The following FSD2 variants were observed in gnomAD, a reference collection of about 807,000 sequenced individuals.
FSD2 encodes fibronectin type III and SPRY domain containing 2.
Under a neutral mutation model 80.4 loss-of-function variants are expected in FSD2, and 71 were observed. The observed-to-expected ratio is 0.88, with a 90% CI of 0.73 to 1.08. FSD2 has a LOEUF of 1.08. Among genes scored for constraint, FSD2 ranks in the 50% least tolerant of loss-of-function variants. The pLI is 0.00. For missense variants in FSD2, 923 were observed against 913.8 expected (o/e 1.01, Z -0.13); for synonymous variants, 361 against 329.5 (o/e 1.10, Z -1.03).
chr15:82,798,031 C>G (rs569044551), intron 1 of FSD2, among the ~76,000 whole-genome samples: 18 of 152,122 alleles, frequency 1.2e-4, no homozygotes, highest in African/African-American at 4.3e-4. Flanking sequence ...CAACAAAAGA[C>G]TTTCCAAGCA....
At chr15:82,766,756 G>C (rs982631689) in intron 9 of FSD2, among the ~76,000 whole-genome samples, 1 of 142,876 alleles carries the variant, frequency 7.0e-6, no homozygotes, top group African/African-American at 2.5e-5. Flanking sequence ...AAAAAAAAAA[G>C]GTCCTTGATT....
At chr15:82,772,667 C>CTGG in intron 6 of FSD2, among the ~76,000 whole-genome samples, 5 of 152,192 alleles carry the variant, frequency 3.3e-5, no homozygotes, top group African/African-American at 1.2e-4. Context: ...ACATCTCCCA[C>CTGG]ATTAATGAGA....
chr15:82,794,870 G>A lies in FSD2; in HGVS notation c.-78-7402C>T, dbSNP rs749295565. Among the ~76,000 whole-genome samples the A allele has an allele frequency of 4.6e-5, 7 of 151,952 alleles. No homozygotes were observed. In the South Asian group the frequency reaches 6.3e-4, roughly 14 times the overall value. On this transcript the variant is annotated intron_variant, in intron 1 of 12. Transcript: ENST00000334574. ...CTCCCGAGTAGCTGGGACTACAGGC[G>A]CCCGCCACCACGCCTGGCTAATTTT...
chr15:82,796,000 C>CTTTTTTTTTT (rs143711664), intron 1 of FSD2, among the ~76,000 whole-genome samples: 3 of 117,494 alleles, frequency 2.6e-5, no homozygotes, highest in South Asian at 2.8e-4. Context: ...TTTTTCTTTT[C>CTTTTTTTTTT]TTTTTTTTTT....
chr15:82,772,079 G>T lies in FSD2; in HGVS notation c.1261C>A (p.Gln421Lys). 6.4e-7 allele frequency: 1 copy of T among 1,565,664 alleles called. No individual in the cohort carries two copies. The highest frequency in any genetic ancestry group is 2.2e-5 in the East Asian group (1 of 44,488). Reference sequence around the variant, plus strand: ...GTTCCTGGCAGAGCCTCACCTGCTTGGTCCGTCCCAGGTGAGCTGTCCTGC... The same window carrying T: ...GTTCCTGGCAGAGCCTCACCTGCTTTGTCCGTCCCAGGTGAGCTGTCCTGC... ...PVQDSSPGTD[Q>K]AEFTVTVKET... The change falls in exon 7 of 13, where the codon CAA becomes AAA. Residue 421 changes from glutamine (Q) to lysine (K), a missense_variant. Coordinates refer to ENST00000334574, the MANE Select transcript of FSD2 (RefSeq NM_001007122.4).
At position 82,758,399 on chromosome 15, in the gene FSD2, T is replaced by A. The variant is rs979924535; in HGVS notation, c.*949A>T. The stretch of plus-strand genomic sequence containing the variant: ...TGAGGCAGGATGCCTGAAAGCTGCC[T>A]AGCTAGAGATCAGTCTTCCTTCCCG... On this transcript the variant is annotated 3_prime_UTR_variant, in exon 13 of 13. Transcript: ENST00000334574. 6.6e-6 allele frequency: 1 copy of A among 152,638 alleles called. No individual in the cohort carries two copies. The highest frequency in any genetic ancestry group is 2.4e-5 in the African/African-American group (1 of 41,464). The allele number at this position is 152,638 out of a possible 1,614,324, so 9.5% of individuals were successfully genotyped here.
chr15:82,795,727 G>A (rs2050249000), intron 1 of FSD2, among the ~76,000 whole-genome samples: 1 of 152,062 alleles, frequency 6.6e-6, no homozygotes, highest in South Asian at 2.1e-4. Flanking sequence ...AGCTACTCAG[G>A]AGGCTGAGGT....
At chr15:82,792,895 G>GT (rs1387375738) in intron 1 of FSD2, among the ~76,000 whole-genome samples, 1 of 152,062 alleles carries the variant, frequency 6.6e-6, no homozygotes, top group Non-Finnish European at 1.5e-5. Flanking sequence ...TAGTTTTGGG[G>GT]TTTTTTTCTT....
intron 6 of FSD2, among the ~76,000 whole-genome samples, chr15:82,773,501 T>C (rs2049637743): frequency 6.6e-6 from 1 of 152,164 alleles, no homozygotes; most frequent in African/African-American, 2.4e-5. Context: ...AGGAAGGTGA[T>C]GATTTATGTG....
At chr15:82,772,304 A>G in intron 6 of FSD2, 76 bp from the exon 7 acceptor site, 1 of 1,419,010 alleles carries the variant, frequency 7.0e-7, no homozygotes, top group Non-Finnish European at 9.6e-7. Flanking sequence ...TCCCATGACC[A>G]TTGATCCCCC....
In FSD2 at chr15:82,757,993, C is replaced by T. The variant is rs1427916849; in HGVS notation, c.*1355G>A. 1.3e-5 allele frequency: 2 copies of T among 152,062 alleles called. No homozygotes were observed. The highest frequency in any genetic ancestry group is 2.4e-5 in the African/African-American group (1 of 41,388). The allele number at this position is 152,062 out of a possible 1,614,324, so 9.4% of individuals were successfully genotyped here. On this transcript the variant is annotated 3_prime_UTR_variant, in exon 13 of 13. Coordinates refer to ENST00000334574, the MANE Select transcript of FSD2 (RefSeq NM_001007122.4). ...TGGCACAATCTCGGCTCACTGCAGCCTCTGCCCCCGGGTTCAAGCAATTCT... is the reference window on the plus strand; with the variant it reads ...TGGCACAATCTCGGCTCACTGCAGCTTCTGCCCCCGGGTTCAAGCAATTCT...
chr15:82,803,892 A>G (rs1356128673), intron 1 of FSD2, among the ~76,000 whole-genome samples: 1 of 152,100 alleles, frequency 6.6e-6, no homozygotes, highest in East Asian at 1.9e-4. Flanking sequence ...CAGGAAAATC[A>G]TCTCTCTAGG....
At chr15:82,763,087 G>A (rs1045007007) in intron 11 of FSD2, among the ~76,000 whole-genome samples, 3 of 152,090 alleles carry the variant, frequency 2.0e-5, no homozygotes, top group African/African-American at 7.2e-5. Flanking sequence ...CTTCTACCTC[G>A]GTTACCTCAC....
At chr15:82,792,591 TC>T (rs1257357386) in intron 1 of FSD2, among the ~76,000 whole-genome samples, 2 of 152,238 alleles carry the variant, frequency 1.3e-5, no homozygotes, top group East Asian at 1.9e-4. Context: ...CTTGATGATG[TC>T]CCCTGAAGCA....
At chr15:82,796,803 A>G (rs1194436046) in intron 1 of FSD2, among the ~76,000 whole-genome samples, 1 of 152,118 alleles carries the variant, frequency 6.6e-6, no homozygotes, top group Admixed American at 6.6e-5. Context: ...CAAGGGGTAC[A>G]TGGTATAGAT....
Position 82,787,211 on chromosome 15 carries a change from A to G in FSD2, c.180T>C (p.Asp60=). 1 of 1,613,910 alleles carries G rather than the reference A, an allele frequency of 6.2e-7. No homozygotes were observed. Among genetic ancestry groups the G allele is most frequent in the Non-Finnish European group, 8.5e-7 (1 of 1,179,862 alleles). ...CTTGAAGGTCTCTTTGAGCCTTACC[A>G]TCCCCTGCTCCTCTTGACTCATTGG... is the stretch of plus-strand genomic sequence containing the variant. ...EMANESRGAG[D]GKAQRDLQEE... Residue 60 remains aspartate, a synonymous_variant, in exon 2 of 13, where the codon GAT becomes GAC. Transcript: ENST00000334574.
In FSD2 at chr15:82,779,337, G is replaced by A. The variant is rs115953347; in HGVS notation, c.990-450C>T. On this transcript the variant is annotated intron_variant, in intron 5 of 12. Transcript: ENST00000334574. ...CGGGGTCTCCTTGTATCTGCTTCCT[G>A]GCAGTCACAAGGTTTGTAAATGGCA... 3.5e-3 allele frequency among the ~76,000 whole-genome samples: 535 copies of A among 152,218 alleles called. 7 individuals are homozygous for A. The highest frequency in any genetic ancestry group is 0.012 in the African/African-American group (506 of 41,536).
In FSD2 at chr15:82,756,110, G is replaced by A. The variant is rs1202735988; in HGVS notation, c.*3238C>T. On this transcript the variant is annotated 3_prime_UTR_variant, in exon 13 of 13. Coordinates refer to ENST00000334574, the MANE Select transcript of FSD2 (RefSeq NM_001007122.4). Reference sequence around the variant, plus strand: ...CATTGTCTTCCTATAGAAAATAGGAGTAGTACACTTATAGATGAGAAAACT... The same window carrying A: ...CATTGTCTTCCTATAGAAAATAGGAATAGTACACTTATAGATGAGAAAACT... 2.3e-6 allele frequency: 1 copy of A among 425,924 alleles called. No homozygotes were observed. Among genetic ancestry groups the A allele is most frequent in the South Asian group, 1.8e-5 (1 of 55,108 alleles). The allele number at this position is 425,924 out of a possible 1,614,324, so 26.4% of individuals were successfully genotyped here.
intron 1 of FSD2, among the ~76,000 whole-genome samples, chr15:82,789,008 A>G (rs988007889): frequency 6.6e-6 from 1 of 151,910 alleles, no homozygotes; most frequent in Non-Finnish European, 1.5e-5. Context: ...CATACTCTCT[A>G]GCCTGTTCAT....
Sources: allele counts gnomAD v4.1 joint callset (sites outside exome capture counted in the v4.1 genomes callset), GRCh38; gene constraint gnomAD v4.1.1; transcripts MANE v1.5; gene names NCBI Gene and HGNC (gene_info 2026-07-23, HGNC 2026-07-21).